Variants in TSHZ1 observed in about 807,000 individuals in gnomAD.
The protein encoded by TSHZ1 is teashirt zinc finger homeobox 1, also known as teashirt homolog 1.
TSHZ1 carries 12 observed loss-of-function variants against 67.1 expected under a neutral mutation model. That is an observed-to-expected ratio of 0.18 (90% CI 0.11 to 0.29). The LOEUF (loss-of-function observed/expected upper bound fraction) is 0.29. Ranked by LOEUF, TSHZ1 falls within the 10% of genes least tolerant of loss-of-function variation. The pLI is 1.00. For missense variants in TSHZ1, 1,305 were observed against 1,413.9 expected, an observed-to-expected ratio of 0.92 and a Z score of 1.23; for synonymous variants, 632 against 622.4, an observed-to-expected ratio of 1.02 and a Z score of -0.23.
chr18:75,267,500 C>A (rs920404503), intron 1 of TSHZ1, among the ~76,000 whole-genome samples: 1 of 152,142 alleles, frequency 6.6e-6, no homozygotes, highest in Non-Finnish European at 1.5e-5. Context: ...GCCAGTGGGT[C>A]CTGAAACACA....
At chr18:75,249,478 T>TTG (rs1435629512) in intron 1 of TSHZ1, among the ~76,000 whole-genome samples, 18 of 109,928 alleles carry the variant, frequency 1.6e-4, no homozygotes, top group African/African-American at 6.3e-4. Flanking sequence ...GGGGTGGCTT[T>TTG]GGTAGGGGGG....
In TSHZ1 at chr18:75,286,619, C is replaced by T; in HGVS notation, c.1212C>T (p.Tyr404=). 1.9e-6 allele frequency: 3 copies of T among 1,614,242 alleles called. No homozygotes were observed. The highest frequency in any genetic ancestry group is 2.5e-6 in the Non-Finnish European group (3 of 1,180,052). ...NRYGYQNGAS[Y]TWQFEARKAQ... ...ATGGCTACCAGAATGGCGCCAGCTA[C>T]ACCTGGCAGTTTGAGGCCCGCAAGG... The change falls in exon 2 of 2, where the codon TAC becomes TAT. Residue 404 remains tyrosine, a synonymous_variant. Coordinates refer to ENST00000580243, the MANE Select transcript of TSHZ1 (RefSeq NM_001308210.2). The surrounding 1 kb of genome is among the most constrained non-coding windows in gnomAD (Gnocchi z 5.1).
At chr18:75,278,958 G>A (rs940433961) in intron 1 of TSHZ1, among the ~76,000 whole-genome samples, 25 of 152,112 alleles carry the variant, frequency 1.6e-4, no homozygotes, top group African/African-American at 6.0e-4. Context: ...CTGTGGGGTC[G>A]TTGAGTCCCT....
At position 75,287,982 on chromosome 18, in the gene TSHZ1, T is replaced by C. The variant is rs757610202; in HGVS notation, c.2575T>C (p.Ser859Pro). The change falls in exon 2 of 2, where the codon TCC becomes CCC. Residue 859 changes from serine to proline, a missense_variant. By Grantham distance (74) the Ser-to-Pro change is moderately conservative (BLOSUM62 -1). Transcript: ENST00000580243. This position sits in a 1 kb window ranked among gnomAD's most constrained non-coding sequence, Gnocchi z 5.0. ...CCTGACGCCCAAGTCCTCCACGCCC[T>C]CCACAGTTTCAGAGAAGTCCGATGC... ...GRLTPKSSTP[S>P]TVSEKSDADG... is the part of the protein sequence containing the mutation. The C allele has an allele frequency of 7.4e-6, 12 of 1,614,138 alleles. No homozygotes were observed. Among genetic ancestry groups the C allele is most frequent in the Non-Finnish European group, 1.0e-5 (12 of 1,180,014 alleles).
intron 1 of TSHZ1, among the ~76,000 whole-genome samples, chr18:75,279,173 G>T (rs996025714): frequency 6.6e-6 from 1 of 152,128 alleles, no homozygotes; most frequent in Admixed American, 6.5e-5. Flanking sequence ...GTGAGAAATG[G>T]TGCCCAGTGA....
intron 1 of TSHZ1, among the ~76,000 whole-genome samples, chr18:75,219,008 A>G (rs1248504809): frequency 6.6e-6 from 1 of 152,252 alleles, no homozygotes; most frequent in Non-Finnish European, 1.5e-5. Flanking sequence ...AATATTAAGA[A>G]TGAAAATAAC....
Position 75,287,574 on chromosome 18 carries a change from G to A in TSHZ1, c.2167G>A (p.Val723Ile). Reference sequence around the variant, plus strand: ...TGGCACAGAGCCTCTCAAAGCAAAGGTCACCAACGGCTGTAACAACCTGGG... The same window carrying A: ...TGGCACAGAGCCTCTCAAAGCAAAGATCACCAACGGCTGTAACAACCTGGG... ...PNGTEPLKAK[V>I]TNGCNNLGII... Residue 723 changes from valine (V) to isoleucine (I), a missense_variant, in exon 2 of 2, where the codon GTC (valine) becomes ATC (isoleucine). Physicochemically the swap from Val to Ile is conservative, Grantham distance 29. Coordinates refer to ENST00000580243, the MANE Select transcript of TSHZ1 (RefSeq NM_001308210.2). The surrounding 1 kb of genome is among the most constrained non-coding windows in gnomAD (Gnocchi z 5.0). 6.2e-7 allele frequency: 1 copy of A among 1,614,196 alleles called. No individual in the cohort carries two copies.
At chr18:75,245,568 A>G (rs2023211780) in intron 1 of TSHZ1, among the ~76,000 whole-genome samples, 2 of 152,236 alleles carry the variant, frequency 1.3e-5, no homozygotes, top group Non-Finnish European at 2.9e-5. Flanking sequence ...TCTCCTTGCA[A>G]TCACCGCAAG....
Position 75,223,687 on chromosome 18 carries a change from C to T in TSHZ1, c.40+11771C>T, listed in dbSNP as rs145154307. Among the ~76,000 whole-genome samples the T allele has an allele frequency of 7.4e-3, 1,130 of 151,982 alleles. 17 individuals carry two copies. Among genetic ancestry groups the T allele is most frequent in the African/African-American group, 0.025 (1,042 of 41,428 alleles). On this transcript the variant is annotated intron_variant, in intron 1 of 1. Transcript: ENST00000580243. ...CCTCTCTTGCTAGGCATCCTTTTCC[C>T]ACCTCCTCACTCGAGTTTGTAGTTT...
At chr18:75,261,414 C>T (rs941465572) in intron 1 of TSHZ1, among the ~76,000 whole-genome samples, 23 of 152,184 alleles carry the variant, frequency 1.5e-4, no homozygotes, top group Non-Finnish European at 2.1e-4. Context: ...CTTGTCAGCT[C>T]ATACTGGCAC....
intron 1 of TSHZ1, among the ~76,000 whole-genome samples, chr18:75,222,239 T>A (rs914843420): frequency 6.7e-6 from 1 of 150,150 alleles, no homozygotes; most frequent in East Asian, 1.9e-4. Context: ...TTTTTTTTTT[T>A]AAGCAGGTAT....
intron 1 of TSHZ1, chr18:75,244,703 G>C (rs1317297324): frequency 6.6e-6 from 1 of 152,250 alleles, no homozygotes; most frequent in Admixed American, 6.5e-5. Flanking sequence ...CTTTGGGTAT[G>C]CTGTGTTCTG....
chr18:75,236,992 C>T (rs971046394), intron 1 of TSHZ1, among the ~76,000 whole-genome samples: 8 of 152,236 alleles, frequency 5.3e-5, no homozygotes, highest in East Asian at 1.9e-4. Flanking sequence ...GACTTTTTCT[C>T]GGATTGTTGT....
rs1007375979 is a variant in TSHZ1 at position 75,286,564 on chromosome 18, C to T, written c.1157C>T (p.Ala386Val). Reference protein sequence around the residue: ...LSESAKDQKAANPYVTPNNRY... With the variant: ...LSESAKDQKAVNPYVTPNNRY... ...GAGTCAGCCAAGGATCAGAAAGCAG[C>T]GAACCCGTACGTCACGCCCAATAAC... Residue 386 changes from alanine (A) to valine (V), a missense_variant, in exon 2 of 2, where the codon GCG becomes GTG. By Grantham distance (64) the Ala-to-Val change is moderately conservative. Transcript: ENST00000580243. The surrounding 1 kb of genome is among the most constrained non-coding windows in gnomAD (Gnocchi z 5.1). 3 of 1,614,186 alleles carry T rather than the reference C, an allele frequency of 1.9e-6. No individual in the cohort carries two copies. The highest frequency in any genetic ancestry group is 1.1e-5 in the South Asian group (1 of 91,080).
chr18:75,248,720 T>G (rs560994782), intron 1 of TSHZ1, among the ~76,000 whole-genome samples: 1 of 152,250 alleles, frequency 6.6e-6, no homozygotes, highest in Admixed American at 6.5e-5. Context: ...CTATGACATA[T>G]AGATATACGT....
chr18:75,252,346 T>C (rs1470624406), intron 1 of TSHZ1, among the ~76,000 whole-genome samples: 2 of 152,228 alleles, frequency 1.3e-5, no homozygotes, highest in African/African-American at 4.8e-5. Context: ...AATTATTTTG[T>C]TGCGTGTACT....
rs757203990 is a variant in TSHZ1 at position 75,287,156 on chromosome 18, C to T, written c.1749C>T (p.Tyr583=). 4 of 1,613,820 alleles carry T rather than the reference C, an allele frequency of 2.5e-6. No individual in the cohort carries two copies. Among genetic ancestry groups the T allele is most frequent in the Non-Finnish European group, 3.4e-6 (4 of 1,179,966 alleles). Residue 583 remains tyrosine (Y), a synonymous_variant, in exon 2 of 2, where the codon TAC becomes TAT. Coordinates refer to ENST00000580243, the MANE Select transcript of TSHZ1 (RefSeq NM_001308210.2). The surrounding 1 kb of genome is among the most constrained non-coding windows in gnomAD (Gnocchi z 5.0). Reference sequence around the variant, plus strand: ...GCTACCCCAGCATCCATGCAGCCTACCAGCTCCCGGGCACCGTGAAGCCAC... The same window carrying T: ...GCTACCCCAGCATCCATGCAGCCTATCAGCTCCCGGGCACCGTGAAGCCAC... The part of the protein sequence containing the change: ...WGGYPSIHAA[Y]QLPGTVKPLP...
chr18:75,234,745 T>A (rs900478504), intron 1 of TSHZ1, among the ~76,000 whole-genome samples: 2 of 152,246 alleles, frequency 1.3e-5, no homozygotes, highest in African/African-American at 4.8e-5. Flanking sequence ...TATGACACGT[T>A]CACCCATACA....
chr18:75,278,815 A>T (rs1168174690), intron 1 of TSHZ1, among the ~76,000 whole-genome samples: 1 of 152,086 alleles, frequency 6.6e-6, no homozygotes, highest in Non-Finnish European at 1.5e-5. Context: ...TTGTATTATT[A>T]TTGAGTCCTT....
Sources: gnomAD v4.1 joint callset for allele counts (sites outside exome capture counted in the v4.1 genomes callset) on GRCh38, gnomAD v4.1.1 for gene constraint, Gnocchi (gnomAD v3.1) non-coding constraint, MANE v1.5 for transcripts, NCBI Gene and HGNC (gene_info 2026-07-23, HGNC 2026-07-21) for gene names.